TBC1D1: variants seen among roughly 807,000 people sequenced by gnomAD.
TBC1D1 encodes TBC1 domain family member 1, also known as TBC1 (tre-2/USP6, BUB2, cdc16) domain family, member 1.
Under a neutral mutation model 125.6 loss-of-function variants are expected in TBC1D1, and 89 were observed. That is an observed-to-expected ratio of 0.71 (90% CI 0.60 to 0.85). TBC1D1 has a LOEUF of 0.85. TBC1D1 is among the 40% of genes least tolerant of loss of function. The pLI, the probability that TBC1D1 is intolerant of heterozygous loss-of-function variation, is 0.00. For missense variants in TBC1D1, 1,377 were observed against 1,469.2 expected, an observed-to-expected ratio of 0.94 and a Z score of 1.03; for synonymous variants, 565 against 564.1, an observed-to-expected ratio of 1.00 and a Z score of -0.02.
At chr4:38,011,123 G>A (rs765224190) in intron 2 of TBC1D1, among the ~76,000 whole-genome samples, 2 of 152,052 alleles carry the variant, frequency 1.3e-5, no homozygotes, top group African/African-American at 4.8e-5. Flanking sequence ...AGGCCGAGGC[G>A]GGTGGATCAC....
intron 2 of TBC1D1, among the ~76,000 whole-genome samples, chr4:37,978,737 A>G (rs1733760084): frequency 8.2e-6 from 1 of 121,276 alleles, no homozygotes; most frequent in Admixed American, 7.8e-5. Context: ...AAACGTTTTG[A>G]GTCATTAAAA....
At chr4:38,092,326 C>T (rs1390390239) in intron 13 of TBC1D1, among the ~76,000 whole-genome samples, 1 of 152,144 alleles carries the variant, frequency 6.6e-6, no homozygotes, top group African/African-American at 2.4e-5. Context: ...TGGCATATTT[C>T]TGGGCACAAA....
intron 15 of TBC1D1, among the ~76,000 whole-genome samples, chr4:38,112,632 T>C (rs1271340809): frequency 2.0e-5 from 3 of 152,204 alleles, no homozygotes; most frequent in Admixed American, 1.3e-4. Context: ...ATTTTGTACT[T>C]ACTTCAAATG....
At chr4:38,085,432 TTA>T (rs1272007383) in intron 12 of TBC1D1, among the ~76,000 whole-genome samples, 13 of 152,206 alleles carry the variant, frequency 8.5e-5, no homozygotes, top group African/African-American at 3.1e-4. Context: ...TTTGCCGACT[TTA>T]TAAATATGCC....
At chr4:38,042,509 C>T (rs1748598093) in intron 8 of TBC1D1, among the ~76,000 whole-genome samples, 1 of 152,146 alleles carries the variant, frequency 6.6e-6, no homozygotes, top group Non-Finnish European at 1.5e-5. Context: ...TCTGCCTCAG[C>T]CTCCCAAAGT....
intron 2 of TBC1D1, among the ~76,000 whole-genome samples, chr4:37,927,965 T>C (rs1471380660): frequency 6.6e-6 from 1 of 152,186 alleles, no homozygotes; most frequent in Non-Finnish European, 1.5e-5. Flanking sequence ...TTATTGTCCC[T>C]TCACAATAAC....
intron 12 of TBC1D1, among the ~76,000 whole-genome samples, chr4:38,078,877 C>T (rs1016785667): frequency 1.3e-5 from 2 of 152,220 alleles, no homozygotes; most frequent in Admixed American, 6.5e-5. Flanking sequence ...ATAGCTGTTT[C>T]TCTGTAACAT....
intron 17 of TBC1D1, 69 bp downstream of exon 19, chr4:38,118,261 TCC>T: frequency 6.5e-7 from 1 of 1,542,510 alleles, no homozygotes; most frequent in Non-Finnish European, 8.9e-7. Flanking sequence ...TTCCTGTCTC[TCC>T]GTGGTGATTC....
At chr4:38,135,820 T>G (rs1766413471) in intron 19 of TBC1D1, among the ~76,000 whole-genome samples, 1 of 152,188 alleles carries the variant, frequency 6.6e-6, no homozygotes, top group Non-Finnish European at 1.5e-5. Context: ...CAAAAAAGTA[T>G]TTTCTTTGTT....
intron 12 of TBC1D1, among the ~76,000 whole-genome samples, chr4:38,076,674 C>G (rs952373281): frequency 6.6e-6 from 1 of 152,056 alleles, no homozygotes; most frequent in African/African-American, 2.4e-5. Flanking sequence ...ATGAAAATAT[C>G]AAGAATGCTT....
intron 2 of TBC1D1, among the ~76,000 whole-genome samples, chr4:37,972,463 A>G (rs926289065): frequency 7.3e-5 from 11 of 150,352 alleles, no homozygotes; most frequent in Admixed American, 3.3e-4. Context: ...CCTGGGCAAC[A>G]AAAGGGAAAC....
intron 2 of TBC1D1, among the ~76,000 whole-genome samples, chr4:37,974,315 C>T (rs758536807): frequency 4.7e-5 from 7 of 149,956 alleles, no homozygotes; most frequent in Non-Finnish European, 7.4e-5. Flanking sequence ...ACTGCAGTTT[C>T]GACATCTAGG....
intron 2 of TBC1D1, among the ~76,000 whole-genome samples, chr4:37,915,842 C>T (rs1038069736): frequency 5.3e-5 from 8 of 152,108 alleles, no homozygotes; most frequent in African/African-American, 1.9e-4. Flanking sequence ...GCTTCTTTCC[C>T]TTAGAGTTTT....
chr4:37,952,086 G>T, intron 2 of TBC1D1: 1 of 717,330 alleles, frequency 1.4e-6, no homozygotes. Context: ...AAGCAACAGT[G>T]AACCACCAGT....
At chr4:37,986,680 A>C (rs1441115835) in intron 2 of TBC1D1, among the ~76,000 whole-genome samples, 1 of 152,122 alleles carries the variant, frequency 6.6e-6, no homozygotes, top group African/African-American at 2.4e-5. Context: ...TCCTGACCTC[A>C]AGTGATCTGC....
chr4:38,105,134 C>T (rs1204006829), intron 15 of TBC1D1, among the ~76,000 whole-genome samples: 2 of 152,138 alleles, frequency 1.3e-5, no homozygotes, highest in Non-Finnish European at 2.9e-5. Flanking sequence ...CACCTCAAGA[C>T]TGGATGAGGT....
intron 2 of TBC1D1, among the ~76,000 whole-genome samples, chr4:37,998,313 C>T (rs80072673): frequency 0.021 from 3,270 of 152,324 alleles, 44 homozygotes; most frequent in South Asian, 0.043. Context: ...GCCATTGCCA[C>T]TTCATCCTTC....
Position 37,954,733 on chromosome 4 carries a change from A to G in TBC1D1, c.417+52221A>G, listed in dbSNP as rs73810064. On this transcript the variant is annotated intron_variant, in intron 2 of 19. Coordinates refer to ENST00000261439, the MANE Select transcript of TBC1D1 (RefSeq NM_015173.4). ...GGCTCTGAGGCGGAAGTGCCTACTTAGTGATACTGTATGTGGGCGATGAAG... is the reference window on the plus strand; with the variant it reads ...GGCTCTGAGGCGGAAGTGCCTACTTGGTGATACTGTATGTGGGCGATGAAG... 8.9e-3 allele frequency among the ~76,000 whole-genome samples: 1,346 copies of G among 152,024 alleles called. 18 individuals are homozygous for G. Among genetic ancestry groups the G allele is most frequent in the African/African-American group, 0.031 (1,281 of 41,432 alleles).
At chr4:37,915,031 C>T (rs1719426511) in intron 2 of TBC1D1, among the ~76,000 whole-genome samples, 1 of 152,218 alleles carries the variant, frequency 6.6e-6, no homozygotes, top group Non-Finnish European at 1.5e-5. Flanking sequence ...CATATGCTTC[C>T]ATGTTAACCA....
Sources: gnomAD v4.1 joint callset for allele counts (sites outside exome capture counted in the v4.1 genomes callset) on GRCh38, gnomAD v4.1.1 for gene constraint, MANE v1.5 for transcripts, NCBI Gene and HGNC (gene_info 2026-07-23, HGNC 2026-07-21) for gene names.